SLC17A5: variants seen among roughly 807,000 people sequenced by gnomAD.
SLC17A5 encodes the protein sialin.
SLC17A5 carries 47 observed loss-of-function variants against 59.4 expected under a neutral mutation model. The observed-to-expected ratio is 0.79, with a 90% CI of 0.63 to 1.01. SLC17A5 has a LOEUF of 1.01. Among genes scored for constraint, SLC17A5 ranks in the 50% least tolerant of loss-of-function variants. The probability of loss-of-function intolerance (pLI) is 0.00; values close to 1 mark genes in which losing one functional copy is unlikely to be tolerated. For synonymous variants in SLC17A5, 202 were observed against 210.7 expected, an observed-to-expected ratio of 0.96 and a Z score of 0.36; for missense variants, 522 against 595.5, an observed-to-expected ratio of 0.88 and a Z score of 1.28.
intron 9 of SLC17A5, among the ~76,000 whole-genome samples, chr6:73,608,950 T>C (rs973104788): frequency 1.3e-5 from 2 of 151,952 alleles, no homozygotes; most frequent in East Asian, 1.9e-4. Context: ...ATCCCAGGAG[T>C]TCAAGGCCAC....
intron 9 of SLC17A5, among the ~76,000 whole-genome samples, chr6:73,601,291 G>A (rs1407417762): frequency 2.8e-5 from 4 of 141,612 alleles, no homozygotes; most frequent in Non-Finnish European, 3.2e-5. Context: ...GAGAAGTGAG[G>A]AGCCCCTCCG....
At chr6:73,600,065 A>C (rs946577976) in intron 10 of SLC17A5, among the ~76,000 whole-genome samples, 5 of 152,158 alleles carry the variant, frequency 3.3e-5, no homozygotes, top group Admixed American at 6.6e-5. Context: ...AAGTGCTGGG[A>C]TTACAGGCAT....
intron 8 of SLC17A5, among the ~76,000 whole-genome samples, chr6:73,613,372 T>A (rs530744605): frequency 1.9e-5 from 1 of 51,768 alleles, no homozygotes; most frequent in East Asian, 3.0e-4. Context: ...CTTTTATAAA[T>A]TTTTTTTTTT....
chr6:73,641,953 TC>T, intron 2 of SLC17A5, 29 bp from the exon 3 acceptor site: 1 of 1,570,954 alleles, frequency 6.4e-7, no homozygotes, highest in Non-Finnish European at 8.8e-7. Flanking sequence ...AATAAAACAA[TC>T]CTTTAAGACC....
In SLC17A5 at chr6:73,595,166, T is replaced by C. The variant is rs753602797; in HGVS notation, c.1399A>G (p.Asn467Asp). ...QTVFYIAAAI[N>D]VFGAIFFTLF... ...GTAAAGAAAATGGCACCAAAAACAT[T>C]AATAGCAGCAGCAATATAGAACACG... Residue 467 changes from asparagine (N) to aspartate (D), a missense_variant, in exon 11 of 11, where the codon AAT becomes GAT. Asn to Asp is a conservative substitution (Grantham distance 23). Transcript: ENST00000355773. 6 of 1,614,096 alleles carry C rather than the reference T, an allele frequency of 3.7e-6. No individual in the cohort carries two copies. Among genetic ancestry groups the C allele is most frequent in the Middle Eastern group, 1.7e-4 (1 of 6,060 alleles).
At chr6:73,609,850 A>T (rs995519421) in intron 9 of SLC17A5, among the ~76,000 whole-genome samples, 4 of 152,314 alleles carry the variant, frequency 2.6e-5, no homozygotes, top group Middle Eastern at 3.4e-3. Flanking sequence ...AGAAAGTAGA[A>T]TGTTGGTTGC....
intron 6 of SLC17A5, among the ~76,000 whole-genome samples, chr6:73,626,550 C>T (rs12210825): frequency 0.22 from 33,468 of 151,904 alleles, 3,885 homozygotes; most frequent in Non-Finnish European, 0.25. Context: ...AGAAACTATC[C>T]GCGTATCTAG....
At chr6:73,614,575 G>A (rs1276498094) in intron 8 of SLC17A5, among the ~76,000 whole-genome samples, 1 of 152,136 alleles carries the variant, frequency 6.6e-6, no homozygotes, top group Non-Finnish European at 1.5e-5. Flanking sequence ...GATGGTGGCT[G>A]GATTAGAGGT....
At chr6:73,643,220 C>T (rs1212952954) in intron 2 of SLC17A5, among the ~76,000 whole-genome samples, 1 of 151,314 alleles carries the variant, frequency 6.6e-6, no homozygotes, top group Non-Finnish European at 1.5e-5. Context: ...AGTGCAGTGG[C>T]GCGATCTCGG....
At chr6:73,637,687 T>C (rs1769083975) in intron 4 of SLC17A5, among the ~76,000 whole-genome samples, 1 of 152,182 alleles carries the variant, frequency 6.6e-6, no homozygotes, top group Non-Finnish European at 1.5e-5. Context: ...GTACATGCTG[T>C]TCTGATTGGC....
rs182688231 is a variant in SLC17A5 at position 73,635,101 on chromosome 6, T to A, written c.819+281A>T. On this transcript the variant is annotated intron_variant, in intron 6 of 10. Transcript: ENST00000355773. The stretch of plus-strand genomic sequence containing the variant: ...TATTTATGTATTTAAAATTTTTTTT[T>A]AAATATTTTAAATGTTTTGTAGAGA... 711 of 174,982 alleles carry A rather than the reference T, an allele frequency of 4.1e-3. 10 individuals carry two copies. Among genetic ancestry groups the A allele is most frequent in the African/African-American group, 0.016 (669 of 42,484 alleles). 10.8% of individuals were successfully genotyped at this position (174,982 alleles called of 1,614,324 possible).
At chr6:73,636,384 G>A (rs1240308128) in intron 5 of SLC17A5, among the ~76,000 whole-genome samples, 6 of 151,496 alleles carry the variant, frequency 4.0e-5, no homozygotes, top group East Asian at 3.9e-4. Flanking sequence ...GATAGCAAAT[G>A]TACTATTTAA....
At chr6:73,614,911 A>C (rs567506378) in intron 8 of SLC17A5, among the ~76,000 whole-genome samples, 60 of 152,298 alleles carry the variant, frequency 3.9e-4, no homozygotes, top group Non-Finnish European at 3.8e-4. Flanking sequence ...GTTCTCTGAG[A>C]TGCTCTAGCA....
chr6:73,601,108 T>G (rs1767050620), intron 9 of SLC17A5, among the ~76,000 whole-genome samples: 1 of 138,050 alleles, frequency 7.2e-6, no homozygotes, highest in Non-Finnish European at 1.6e-5. Flanking sequence ...GAGCGCCTCT[T>G]CCCGGCAGCC....
chr6:73,597,093 G>A (rs1219880669), intron 10 of SLC17A5, among the ~76,000 whole-genome samples: 2 of 152,032 alleles, frequency 1.3e-5, no homozygotes, highest in African/African-American at 2.4e-5. Context: ...CCTGGGAGGC[G>A]GAGGTTGCAG....
intron 10 of SLC17A5, among the ~76,000 whole-genome samples, chr6:73,599,460 C>CTG (rs1766959611): frequency 6.6e-6 from 1 of 152,198 alleles, no homozygotes. Flanking sequence ...ACATACAAGA[C>CTG]TGTAATTCAG....
At chr6:73,621,112 TCTC>T (rs1268886250) in intron 7 of SLC17A5, among the ~76,000 whole-genome samples, 3 of 152,024 alleles carry the variant, frequency 2.0e-5, no homozygotes, top group Non-Finnish European at 4.4e-5. Flanking sequence ...TTCAAGCAAT[TCTC>T]CTGCCTCAAC....
chr6:73,623,944 G>A (rs1430584077), intron 6 of SLC17A5, among the ~76,000 whole-genome samples: 6 of 151,692 alleles, frequency 4.0e-5, no homozygotes, highest in African/African-American at 1.2e-4. Flanking sequence ...TGATCTGTCC[G>A]CCTCAGCCTC....
chr6:73,622,390 C>T (rs1170033899), intron 6 of SLC17A5, among the ~76,000 whole-genome samples: 1 of 151,882 alleles, frequency 6.6e-6, no homozygotes, highest in Non-Finnish European at 1.5e-5. Flanking sequence ...CAACCTCTGC[C>T]TCCTGAGTTC....
Sources: allele counts gnomAD v4.1 joint callset (sites outside exome capture counted in the v4.1 genomes callset), GRCh38; gene constraint gnomAD v4.1.1; transcripts MANE v1.5; gene names NCBI Gene and HGNC (gene_info 2026-07-23, HGNC 2026-07-21).